Variants in CCDC146 observed in about 807,000 individuals in gnomAD.
CCDC146 encodes coiled-coil domain-containing protein 146.
In CCDC146, 92 loss-of-function variants were observed where a neutral mutation model predicts 119.3. That is an observed-to-expected ratio of 0.77 (90% CI 0.65 to 0.92). The LOEUF is 0.92. Among genes scored for constraint, CCDC146 ranks in the 40% least tolerant of loss-of-function variants. The pLI, the probability that CCDC146 is intolerant of heterozygous loss-of-function variation, is 0.00. For synonymous variants in CCDC146, 372 were observed against 371.8 expected (o/e 1.00, Z -0.01); for missense variants, 1,000 against 1,103.0 (o/e 0.91, Z 1.32).
At chr7:77,222,093 T>C (rs2150463280) in intron 2 of CCDC146, among the ~76,000 whole-genome samples, 1 of 152,348 alleles carries the variant, frequency 6.6e-6, no homozygotes, top group East Asian at 1.9e-4. Flanking sequence ...TGTCTAAACA[T>C]GCGGCCAGGA....
chr7:77,223,431 C>A (rs571858913), intron 2 of CCDC146, among the ~76,000 whole-genome samples: 2 of 152,314 alleles, frequency 1.3e-5, no homozygotes, highest in East Asian at 3.9e-4. Flanking sequence ...TGACCTCCCC[C>A]TCACATTCCT....
At chr7:77,256,718 C>G (rs927097600) in intron 6 of CCDC146, among the ~76,000 whole-genome samples, 1 of 152,136 alleles carries the variant, frequency 6.6e-6, no homozygotes, top group Non-Finnish European at 1.5e-5. Context: ...CTCGATAATT[C>G]GGAGCCCTCA....
At chr7:77,293,228 C>G in intron 18 of CCDC146, 28 bp downstream of exon 18, 1 of 1,606,552 alleles carries the variant, frequency 6.2e-7, no homozygotes, top group Non-Finnish European at 8.5e-7. Context: ...TATTGCATTT[C>G]TAAAGGGTGC....
At chr7:77,169,653 A>G (rs1018010640) in intron 2 of CCDC146, among the ~76,000 whole-genome samples, 2 of 152,152 alleles carry the variant, frequency 1.3e-5, no homozygotes, top group African/African-American at 4.8e-5. Context: ...TTCTCATGCT[A>G]TCATTGTCCC....
intron 4 of CCDC146, among the ~76,000 whole-genome samples, chr7:77,248,324 A>C (rs562035121): frequency 3.7e-4 from 57 of 152,218 alleles, no homozygotes; most frequent in Non-Finnish European, 6.2e-4. Context: ...ATGGGTATAC[A>C]TGTATATAAT....
chr7:77,239,987 T>G (rs116013197), intron 3 of CCDC146, among the ~76,000 whole-genome samples: 2,655 of 152,290 alleles, frequency 0.017, 67 homozygotes, highest in African/African-American at 0.061. Flanking sequence ...ATCTGTAAAT[T>G]TATTTATATT....
intron 10 of CCDC146, 150 bp downstream of exon 10, chr7:77,273,939 T>A: frequency 4.3e-6 from 2 of 469,682 alleles, no homozygotes; most frequent in Non-Finnish European, 7.6e-6. Flanking sequence ...CATCTCAAAG[T>A]CCACTCCAAT....
chr7:77,171,184 C>A (rs1791415367), intron 2 of CCDC146, among the ~76,000 whole-genome samples: 3 of 152,178 alleles, frequency 2.0e-5, no homozygotes, highest in Admixed American at 2.0e-4. Flanking sequence ...GATGTAAGCT[C>A]ATGCATTTTT....
chr7:77,144,874 TTC>T (rs1454993061), intron 1 of CCDC146, among the ~76,000 whole-genome samples: 1 of 151,778 alleles, frequency 6.6e-6, no homozygotes, highest in Non-Finnish European at 1.5e-5. Context: ...TGGTCTAAAA[TTC>T]TCTTTTTTTT....
chr7:77,187,731 T>C (rs1791693400), intron 2 of CCDC146, among the ~76,000 whole-genome samples: 2 of 152,202 alleles, frequency 1.3e-5, no homozygotes, highest in Admixed American at 1.3e-4. Flanking sequence ...ACTATGACTA[T>C]TGGGAGGATA....
At chr7:77,271,304 C>T (rs1793508260) in intron 9 of CCDC146, among the ~76,000 whole-genome samples, 2 of 151,228 alleles carry the variant, frequency 1.3e-5, no homozygotes, top group Non-Finnish European at 2.9e-5. Flanking sequence ...CCGGCCTAGC[C>T]TCCCAGCCTA....
At chr7:77,234,506 G>A (rs904246668) in intron 2 of CCDC146, among the ~76,000 whole-genome samples, 5 of 152,150 alleles carry the variant, frequency 3.3e-5, no homozygotes, top group Admixed American at 6.5e-5. Flanking sequence ...AGGCCAAGGC[G>A]GGTGGGTTGC....
chr7:77,225,020 A>G (rs1222882123), intron 2 of CCDC146, among the ~76,000 whole-genome samples: 3 of 152,246 alleles, frequency 2.0e-5, no homozygotes, highest in Admixed American at 6.5e-5. Context: ...TGGGAGCACT[A>G]TGCCCAAGAT....
At chr7:77,128,665 C>A (rs1346312779) in intron 1 of CCDC146, among the ~76,000 whole-genome samples, 2 of 151,774 alleles carry the variant, frequency 1.3e-5, no homozygotes, top group Non-Finnish European at 2.9e-5. Flanking sequence ...GGTCTGCTGG[C>A]CCTGCCACAA....
chr7:77,271,513 GATATATATATATATATAT>G (rs56661430), intron 9 of CCDC146, among the ~76,000 whole-genome samples: 6,517 of 71,024 alleles, frequency 0.092, 401 homozygotes, highest in Non-Finnish European at 0.12. Context: ...ACTAATAGGA[GATATATATATATATATAT>G]ATATATATAT....
At chr7:77,223,490 G>C (rs1384109383) in intron 2 of CCDC146, among the ~76,000 whole-genome samples, 2 of 152,214 alleles carry the variant, frequency 1.3e-5, no homozygotes, top group Non-Finnish European at 2.9e-5. Context: ...AACAGTCCCA[G>C]AGTTCTCTGC....
intron 3 of CCDC146, among the ~76,000 whole-genome samples, chr7:77,239,442 G>A (rs1792802806): frequency 6.6e-6 from 1 of 152,224 alleles, no homozygotes; most frequent in Non-Finnish European, 1.5e-5. Context: ...CCCAGTAAAT[G>A]TTTTGCTAGA....
At chr7:77,284,448 A>G (rs1793815055) in intron 15 of CCDC146, among the ~76,000 whole-genome samples, 1 of 151,904 alleles carries the variant, frequency 6.6e-6, no homozygotes, top group Non-Finnish European at 1.5e-5. Flanking sequence ...GTCTCTCTCC[A>G]GCTTTTTCCC....
chr7:77,171,601 T>C (rs1273008070), intron 2 of CCDC146, among the ~76,000 whole-genome samples: 3 of 152,214 alleles, frequency 2.0e-5, no homozygotes, highest in African/African-American at 4.8e-5. Flanking sequence ...TTCTGTTTCA[T>C]GCGTTTGGTT....
Sources: allele counts gnomAD v4.1 joint callset (sites outside exome capture counted in the v4.1 genomes callset), GRCh38; gene constraint gnomAD v4.1.1; transcripts MANE v1.5; gene names NCBI Gene and HGNC (gene_info 2026-07-23, HGNC 2026-07-21).